The following C1GALT1 variants were observed in gnomAD, a reference collection of about 807,000 sequenced individuals.
C1GALT1 encodes the protein core 1 synthase, glycoprotein-N-acetylgalactosamine 3-beta-galactosyltransferase 1.
In C1GALT1, 11 loss-of-function variants were observed where a neutral mutation model predicts 31.0. That is an observed-to-expected ratio of 0.36 (90% CI 0.22 to 0.59). C1GALT1 has a LOEUF of 0.59. C1GALT1 is among the 20% of genes least tolerant of loss of function. C1GALT1 has a pLI of 0.79. For missense variants in C1GALT1, 424 were observed against 425.2 expected, an observed-to-expected ratio of 1.00 and a Z score of 0.03; for synonymous variants, 175 against 143.6, an observed-to-expected ratio of 1.22 and a Z score of -1.56.
rs568139564 is a variant in C1GALT1, at chr7:7,224,873, ATTAAGTGTAT to A, written c.-17-9418_-17-9409del. Among the ~76,000 whole-genome samples the A allele has an allele frequency of 6.3e-3, 956 of 152,132 alleles. 11 individuals are homozygous for A. Among genetic ancestry groups the A allele is most frequent in the African/African-American group, 0.022 (927 of 41,490 alleles). On this transcript the variant is annotated intron_variant, in intron 1 of 3. Transcript: ENST00000436587. ...ATTTAAGCATAGTGTATTTAAGTGT[ATTAAGTGTAT>A]TTAAGTGTATTAAGCGTATTTAAGT... is the stretch of plus-strand genomic sequence containing the variant.
chr7:7,173,657 C>T (rs946298898), intron 2 of C1GALT1, among the ~76,000 whole-genome samples: 2 of 152,154 alleles, frequency 1.3e-5, no homozygotes, highest in African/African-American at 4.8e-5. Flanking sequence ...AATCCCAGCA[C>T]TTTGGGAGGC....
chr7:7,183,867 T>C lies in C1GALT1; in HGVS notation c.-18+1047T>C, dbSNP rs541187407. The stretch of plus-strand genomic sequence containing the variant: ...ATTGATTTCATTATGAATTTAAAAG[T>C]TATAAATTTAGAACCATAATGAATC... On this transcript the variant is annotated intron_variant, in intron 1 of 3. Transcript: ENST00000436587. Among the ~76,000 whole-genome samples the C allele has an allele frequency of 2.0e-5, 3 of 152,306 alleles. No individual in the cohort carries two copies. In the South Asian group the frequency reaches 6.2e-4, roughly 32 times the overall value.
upstream of C1GALT1, among the ~76,000 whole-genome samples, chr7:7,179,939 C>T (rs1217499560): frequency 6.6e-6 from 1 of 151,358 alleles, no homozygotes; most frequent in Non-Finnish European, 1.5e-5. Context: ...CCTTGAGTCT[C>T]CTCTACAGAA....
intron 2 of C1GALT1, among the ~76,000 whole-genome samples, chr7:7,236,415 C>T (rs1783353456): frequency 6.6e-6 from 1 of 152,182 alleles, no homozygotes; most frequent in South Asian, 2.1e-4. Flanking sequence ...GATTGGGCTC[C>T]TCAAGGATAT....
chr7:7,186,236 A>G (rs1323820442), intron 1 of C1GALT1, among the ~76,000 whole-genome samples: 1 of 152,212 alleles, frequency 6.6e-6, no homozygotes, highest in African/African-American at 2.4e-5. Context: ...CCCAGTCACC[A>G]TTTAAAGACT....
intron 2 of C1GALT1, among the ~76,000 whole-genome samples, chr7:7,158,796 T>C (rs1238186306): frequency 6.6e-6 from 1 of 152,080 alleles, no homozygotes; most frequent in East Asian, 1.9e-4. Context: ...ATGACCTACT[T>C]GTAATTAGAT....
At chr7:7,189,096 C>A (rs188418249) in intron 1 of C1GALT1, among the ~76,000 whole-genome samples, 34 of 152,202 alleles carry the variant, frequency 2.2e-4, no homozygotes, top group African/African-American at 7.7e-4. Flanking sequence ...TAAAAAGTAA[C>A]CTTTGTCAAA....
At chr7:7,175,672 G>A (rs1227891153) in intron 2 of C1GALT1, among the ~76,000 whole-genome samples, 3 of 152,148 alleles carry the variant, frequency 2.0e-5, no homozygotes, top group Non-Finnish European at 2.9e-5. Flanking sequence ...GTAGCCCCTT[G>A]TATTAGTCTG....
upstream of C1GALT1, among the ~76,000 whole-genome samples, chr7:7,181,628 G>C (rs1017382950): frequency 6.6e-6 from 1 of 152,174 alleles, no homozygotes; most frequent in Non-Finnish European, 1.5e-5. Context: ...GGCATTCTAA[G>C]TAACTTGCCA....
chr7:7,228,577 C>A (rs576999378), intron 1 of C1GALT1, among the ~76,000 whole-genome samples: 1 of 152,148 alleles, frequency 6.6e-6, no homozygotes, highest in African/African-American at 2.4e-5. Context: ...ATTCTACCCC[C>A]ATGAGATGGC....
chr7:7,243,428 A>T, intron 3 of C1GALT1, 96 bp from the exon 4 acceptor site: 1 of 1,018,352 alleles, frequency 9.8e-7, no homozygotes, highest in Non-Finnish European at 1.4e-6. Context: ...TAATGTTTGT[A>T]TTCTTTTAAA....
intron 1 of C1GALT1, among the ~76,000 whole-genome samples, chr7:7,183,213 C>A (rs1426894752): frequency 6.6e-6 from 1 of 151,848 alleles, no homozygotes; most frequent in Non-Finnish European, 1.5e-5. Context: ...CCGGGCCCTC[C>A]CAGTCCCTCC....
At chr7:7,195,366 TTG>T (rs1263462456) in intron 1 of C1GALT1, among the ~76,000 whole-genome samples, 1 of 152,200 alleles carries the variant, frequency 6.6e-6, no homozygotes, top group African/African-American at 2.4e-5. Context: ...TTTTGATAGG[TTG>T]TGTCACTTTT....
chr7:7,213,381 A>G (rs1038779955), intron 1 of C1GALT1, among the ~76,000 whole-genome samples: 2 of 152,240 alleles, frequency 1.3e-5, no homozygotes, highest in African/African-American at 2.4e-5. Flanking sequence ...GTACTTCGGC[A>G]TTAGAATTTT....
At chr7:7,157,949 C>CCT (rs1310590158) in intron 2 of C1GALT1, among the ~76,000 whole-genome samples, 1 of 152,146 alleles carries the variant, frequency 6.6e-6, no homozygotes, top group Admixed American at 6.6e-5. Flanking sequence ...ATTTCAGGAA[C>CCT]CTCAGTCAGA....
chr7:7,247,660 T>A lies in C1GALT1; in HGVS notation c.*3933T>A, dbSNP rs1390456035. Reference sequence around the variant, plus strand: ...GATTAAATTACATCTAGCATTTTATTTGCCATTTCAATTTTCAGTTCATTA... The same window carrying A: ...GATTAAATTACATCTAGCATTTTATATGCCATTTCAATTTTCAGTTCATTA... On this transcript the variant is annotated 3_prime_UTR_variant, in exon 4 of 4. Coordinates refer to ENST00000436587, the MANE Select transcript of C1GALT1 (RefSeq NM_020156.5). 6.6e-6 allele frequency: 1 copy of A among 152,108 alleles called. No homozygotes were observed. Among genetic ancestry groups the A allele is most frequent in the Non-Finnish European group, 1.5e-5 (1 of 67,956 alleles). 9.4% of individuals were successfully genotyped at this position (152,108 alleles called of 1,614,324 possible).
At chr7:7,194,883 C>T (rs2128233349) in intron 1 of C1GALT1, among the ~76,000 whole-genome samples, 1 of 152,146 alleles carries the variant, frequency 6.6e-6, no homozygotes, top group South Asian at 2.1e-4. Flanking sequence ...GTTTCTATTT[C>T]TTCCTGGTTT....
At chr7:7,201,520 C>G (rs1002165014) in intron 1 of C1GALT1, among the ~76,000 whole-genome samples, 2 of 152,184 alleles carry the variant, frequency 1.3e-5, no homozygotes, top group African/African-American at 2.4e-5. Context: ...AACCACTGCT[C>G]TCATGAAAGC....
At chr7:7,230,706 TTAC>T (rs1783034502) in intron 1 of C1GALT1, among the ~76,000 whole-genome samples, 1 of 151,790 alleles carries the variant, frequency 6.6e-6, no homozygotes, top group Admixed American at 6.6e-5. Flanking sequence ...TTATATTGTT[TTAC>T]TGTTTGTTTG....
Sources: allele counts gnomAD v4.1 joint callset (sites outside exome capture counted in the v4.1 genomes callset), GRCh38; gene constraint gnomAD v4.1.1; transcripts MANE v1.5; gene names NCBI Gene and HGNC (gene_info 2026-07-23, HGNC 2026-07-21).